The following SEMA5A variants were observed in gnomAD, a reference collection of about 807,000 sequenced individuals.
SEMA5A encodes semaphorin-5A.
Under a neutral mutation model 135.5 loss-of-function variants are expected in SEMA5A, and 55 were observed. That is an observed-to-expected ratio of 0.41 (90% CI 0.33 to 0.51). SEMA5A has a LOEUF of 0.51. Ranked by LOEUF, SEMA5A falls within the 20% of genes least tolerant of loss-of-function variation. SEMA5A has a pLI of 0.37. For synonymous variants in SEMA5A, 580 were observed against 546.5 expected (o/e 1.06, Z -0.85); for missense variants, 1,290 against 1,419.9 (o/e 0.91, Z 1.47).
At chr5:9,412,207 T>C (rs2126606380) in intron 2 of SEMA5A, among the ~76,000 whole-genome samples, 1 of 152,182 alleles carries the variant, frequency 6.6e-6, no homozygotes. Context: ...CCCGTCTCAG[T>C]AAAACATAGG....
At chr5:9,411,052 G>A (rs748661888) in intron 2 of SEMA5A, among the ~76,000 whole-genome samples, 9 of 150,230 alleles carry the variant, frequency 6.0e-5, no homozygotes, top group Non-Finnish European at 1.2e-4. Context: ...TGTATACTGT[G>A]TAACCTAAAT....
intron 5 of SEMA5A, among the ~76,000 whole-genome samples, chr5:9,315,869 T>C (rs1752366788): frequency 6.6e-6 from 1 of 152,164 alleles, no homozygotes; most frequent in South Asian, 2.1e-4. Flanking sequence ...CTGTTGTAAT[T>C]AATAAGTATC....
chr5:9,073,116 C>T (rs539111268), intron 16 of SEMA5A, among the ~76,000 whole-genome samples: 16 of 152,142 alleles, frequency 1.1e-4, no homozygotes, highest in African/African-American at 3.9e-4. Context: ...GATATCAAAA[C>T]CAGACAAAGA....
intron 3 of SEMA5A, among the ~76,000 whole-genome samples, chr5:9,376,311 C>A (rs1038710883): frequency 6.6e-6 from 1 of 152,170 alleles, no homozygotes; most frequent in Admixed American, 6.5e-5. Context: ...GTGAGGCTTG[C>A]CAGGACCCGC....
At chr5:9,527,568 C>T (rs466883) in intron 1 of SEMA5A, among the ~76,000 whole-genome samples, 51,939 of 152,082 alleles carry the variant, frequency 0.34, 9,064 homozygotes, top group East Asian at 0.41. Context: ...AAAGTGCTTT[C>T]AAGTGAACAA....
intron 11 of SEMA5A, among the ~76,000 whole-genome samples, chr5:9,188,004 A>C (rs1744899754): frequency 6.6e-6 from 1 of 152,236 alleles, no homozygotes; most frequent in South Asian, 2.1e-4. Flanking sequence ...AGTTGCTTGT[A>C]GCTATGGACT....
chr5:9,235,016 A>G (rs576221649), intron 6 of SEMA5A, among the ~76,000 whole-genome samples: 2 of 152,338 alleles, frequency 1.3e-5, no homozygotes, highest in Admixed American at 1.3e-4. Context: ...AACGTGGGCT[A>G]GTTCTTCTTC....
Position 9,143,551 on chromosome 5 carries a change from C to T in SEMA5A, c.1482-6930G>A, listed in dbSNP as rs114765592. 8.4e-3 allele frequency among the ~76,000 whole-genome samples: 1,274 copies of T among 152,286 alleles called. 18 individuals carry two copies. The highest frequency in any genetic ancestry group is 0.029 in the African/African-American group (1,209 of 41,540). On this transcript the variant is annotated intron_variant, in intron 12 of 22. Coordinates refer to ENST00000382496, the MANE Select transcript of SEMA5A (RefSeq NM_003966.3). ...AGTTAAAACCCATAGGCAAATATAACATTTCAATTTTCCTGAAAAATCTGT... is the reference window on the plus strand; with the variant it reads ...AGTTAAAACCCATAGGCAAATATAATATTTCAATTTTCCTGAAAAATCTGT...
intron 3 of SEMA5A, among the ~76,000 whole-genome samples, chr5:9,374,625 G>A (rs1035480058): frequency 3.7e-5 from 1 of 26,948 alleles, no homozygotes; most frequent in Non-Finnish European, 7.0e-5. Flanking sequence ...AAGACATCGT[G>A]TGTGTGTGTG....
At chr5:9,357,122 C>T (rs1754484881) in intron 3 of SEMA5A, among the ~76,000 whole-genome samples, 1 of 152,204 alleles carries the variant, frequency 6.6e-6, no homozygotes, top group Non-Finnish European at 1.5e-5. Context: ...AATTACAACT[C>T]TTGGCAAGCC....
At position 9,438,306 on chromosome 5, in the gene SEMA5A, G is replaced by T. The variant is rs146462872; in HGVS notation, c.-174-454C>A. On this transcript the variant is annotated intron_variant, in intron 1 of 22. Transcript: ENST00000382496. ...AGACAAAGGCAGTAGCACAAACTCTGCTAGAAATTTGAGTTTGTATTTTTA... is the reference window on the plus strand; with the variant it reads ...AGACAAAGGCAGTAGCACAAACTCTTCTAGAAATTTGAGTTTGTATTTTTA... Among the ~76,000 whole-genome samples the T allele has an allele frequency of 2.3e-3, 357 of 152,252 alleles. 2 individuals are homozygous for T. Among genetic ancestry groups the T allele is most frequent in the African/African-American group, 8.0e-3 (333 of 41,542 alleles).
intron 11 of SEMA5A, among the ~76,000 whole-genome samples, chr5:9,175,565 G>A (rs193163071): frequency 6.6e-6 from 1 of 152,072 alleles, no homozygotes; most frequent in African/African-American, 2.4e-5. Flanking sequence ...ACAACATATG[G>A]CATCTTCCTT....
Position 9,062,983 on chromosome 5 carries a change from T to C in SEMA5A, c.2422A>G (p.Lys808Glu). Residue 808 changes from lysine to glutamate, a missense_variant, in exon 18 of 23, where the codon AAG (lysine) becomes GAG (glutamate). Transcript: ENST00000382496. ...GGTTCGGGGTTGTTGCAAACACGCT[T>C]CCGGTTCCGAATGCCCCTGCTGCAG... ...RDCSRGIRNR[K>E]RVCNNPEPKY... 6.2e-7 allele frequency: 1 copy of C among 1,614,198 alleles called. No homozygotes were observed. Among genetic ancestry groups the C allele is most frequent in the Non-Finnish European group, 8.5e-7 (1 of 1,180,022 alleles).
chr5:9,123,184 G>A (rs1372091926), intron 13 of SEMA5A, among the ~76,000 whole-genome samples: 1 of 146,188 alleles, frequency 6.8e-6, no homozygotes, highest in African/African-American at 2.5e-5. Flanking sequence ...GTGTGAACCC[G>A]GGAGGTGGAG....
At chr5:9,297,226 A>C (rs1346742080) in intron 5 of SEMA5A, among the ~76,000 whole-genome samples, 1 of 152,086 alleles carries the variant, frequency 6.6e-6, no homozygotes, top group Non-Finnish European at 1.5e-5. Context: ...ATACACACAT[A>C]CTTTTTCCTA....
chr5:9,306,670 G>A (rs923905354), intron 5 of SEMA5A, among the ~76,000 whole-genome samples: 2 of 152,068 alleles, frequency 1.3e-5, no homozygotes, highest in Non-Finnish European at 2.9e-5. Flanking sequence ...CCAGAGGAAG[G>A]GGCAGCTATG....
chr5:9,397,993 G>C (rs1168482864), intron 2 of SEMA5A, among the ~76,000 whole-genome samples: 1 of 152,172 alleles, frequency 6.6e-6, no homozygotes, highest in Non-Finnish European at 1.5e-5. Flanking sequence ...TGTGAGTGGT[G>C]CTCTTCTGAT....
At chr5:9,341,288 T>A (rs994261826) in intron 3 of SEMA5A, among the ~76,000 whole-genome samples, 2 of 151,988 alleles carry the variant, frequency 1.3e-5, no homozygotes, top group Non-Finnish European at 2.9e-5. Context: ...TCAGCAAGCT[T>A]AGTAACAGAA....
chr5:9,107,645 C>G (rs1739995395), intron 16 of SEMA5A, among the ~76,000 whole-genome samples: 1 of 152,030 alleles, frequency 6.6e-6, no homozygotes, highest in African/African-American at 2.4e-5. Context: ...CACGAAGCCT[C>G]CAGGATACTC....
Sources: allele counts gnomAD v4.1 joint callset (sites outside exome capture counted in the v4.1 genomes callset), GRCh38; gene constraint gnomAD v4.1.1; transcripts MANE v1.5; gene names NCBI Gene and HGNC (gene_info 2026-07-23, HGNC 2026-07-21).